The following KDM4C variants were observed in gnomAD, a reference collection of about 807,000 sequenced individuals.
KDM4C encodes the protein lysine-specific demethylase 4C.
In KDM4C, 81 loss-of-function variants were observed where a neutral mutation model predicts 129.3. The observed-to-expected ratio is 0.63, with a 90% CI of 0.52 to 0.75. KDM4C has a LOEUF of 0.75. Among genes scored for constraint, KDM4C ranks in the 30% least tolerant of loss-of-function variants. The pLI, the probability that KDM4C is intolerant of heterozygous loss-of-function variation, is 0.00. For missense variants in KDM4C, 1,457 were observed against 1,304.0 expected (o/e 1.12, Z -1.81); for synonymous variants, 573 against 456.1 (o/e 1.26, Z -3.26).
intron 8 of KDM4C, among the ~76,000 whole-genome samples, chr9:6,958,687 A>ATTTTTTTTTTTTTTTTTT (rs377187050): frequency 5.9e-5 from 8 of 136,358 alleles, no homozygotes; most frequent in African/African-American, 8.7e-5. Context: ...TCTTTATATG[A>ATTTTTTTTTTTTTTTTTT]TTTTTTTTTT....
chr9:6,786,874 A>T (rs1825608206), intron 1 of KDM4C, among the ~76,000 whole-genome samples: 1 of 152,212 alleles, frequency 6.6e-6, no homozygotes, highest in East Asian at 1.9e-4. Flanking sequence ...CTAAGAATCA[A>T]ATAAATGAAA....
intron 17 of KDM4C, among the ~76,000 whole-genome samples, chr9:7,083,886 G>A (rs757265611): frequency 6.6e-6 from 1 of 152,108 alleles, no homozygotes; most frequent in South Asian, 2.1e-4. Context: ...ATTCCTCAAC[G>A]GGGATTTTTC....
intron 8 of KDM4C, among the ~76,000 whole-genome samples, chr9:6,976,893 T>A (rs1162560206): frequency 6.6e-6 from 1 of 152,128 alleles, no homozygotes; most frequent in Non-Finnish European, 1.5e-5. Flanking sequence ...GTATTTTAGA[T>A]CTAAAGGATA....
In KDM4C at chr9:7,044,959, T is replaced by C. The variant is rs545127145; in HGVS notation, c.2260-1903T>C. ...CAGGGAGAAAATCTTTCAGGAAGGA[T>C]CAACAGTGTTGTATGGTGCTAAGAG... On this transcript the variant is annotated intron_variant, in intron 15 of 21. Coordinates refer to ENST00000381309, the MANE Select transcript of KDM4C (RefSeq NM_015061.6). 4.6e-5 allele frequency among the ~76,000 whole-genome samples: 7 copies of C among 152,044 alleles called. No homozygotes were observed. The East Asian group carries it at 1.4e-3, about 30-fold the overall frequency.
chr9:6,828,209 G>A (rs1243584138), intron 4 of KDM4C, among the ~76,000 whole-genome samples: 2 of 151,910 alleles, frequency 1.3e-5, no homozygotes, highest in Non-Finnish European at 2.9e-5. Flanking sequence ...GTGCAGTGGC[G>A]TGATCTCAGC....
chr9:6,969,572 G>A (rs1018587), intron 8 of KDM4C, among the ~76,000 whole-genome samples: 69,574 of 151,958 alleles, frequency 0.46, 17,968 homozygotes, highest in East Asian at 0.86. Context: ...TTTTACATCC[G>A]TGCCTGGATC....
At position 6,903,430 on chromosome 9, in the gene KDM4C, G is replaced by A. The variant is rs142425689; in HGVS notation, c.921+10198G>A. On this transcript the variant is annotated intron_variant, in intron 8 of 21. Transcript: ENST00000381309. ...CCAGGAGAATGTAGTTGGTAGAGTGGGCACTGTGTTCTCTTGGCAGGAATA... is the reference window on the plus strand; with the variant it reads ...CCAGGAGAATGTAGTTGGTAGAGTGAGCACTGTGTTCTCTTGGCAGGAATA... 2.9e-3 allele frequency among the ~76,000 whole-genome samples: 440 copies of A among 152,208 alleles called. 3 individuals are homozygous for A. Among genetic ancestry groups the A allele is most frequent in the Non-Finnish European group, 4.9e-3 (330 of 68,004 alleles).
intron 19 of KDM4C, among the ~76,000 whole-genome samples, chr9:7,159,404 T>C (rs1447488417): frequency 4.6e-5 from 7 of 152,232 alleles, no homozygotes; most frequent in Non-Finnish European, 1.0e-4. Flanking sequence ...TGCCTGTTAG[T>C]TGATGCAGTT....
At chr9:6,759,146 G>C (rs530842653) in intron 1 of KDM4C, among the ~76,000 whole-genome samples, 1 of 152,260 alleles carries the variant, frequency 6.6e-6, no homozygotes, top group Non-Finnish European at 1.5e-5. Flanking sequence ...GATTTATAAA[G>C]CACTGTTCGG....
chr9:6,936,144 A>G (rs1203206016), intron 8 of KDM4C, among the ~76,000 whole-genome samples: 1 of 152,204 alleles, frequency 6.6e-6, no homozygotes, highest in Non-Finnish European at 1.5e-5. Flanking sequence ...AATCCTAGAG[A>G]GAAGGGAAAA....
At position 7,011,866 on chromosome 9, in the gene KDM4C, T is replaced by G; in HGVS notation, c.1955T>G (p.Met652Arg). The G allele has an allele frequency of 6.2e-7, 1 of 1,613,584 alleles. No homozygotes were observed. The change falls in exon 13 of 22, where the codon ATG becomes AGG. Residue 652 changes from methionine (M) to arginine (R), a missense_variant. Physicochemically the swap from Met to Arg is moderately conservative, Grantham distance 91. Coordinates refer to ENST00000381309, the MANE Select transcript of KDM4C (RefSeq NM_015061.6). ...CACTGTGCCATCTGCACTCTGCTCA[T>G]GCCGTACCACAAGGTAAAGGAGCCT... ...KPHCAICTLL[M>R]PYHKPDSSNE...
chr9:7,040,383 G>GTC (rs1564026776), intron 15 of KDM4C, among the ~76,000 whole-genome samples: 2 of 138,474 alleles, frequency 1.4e-5, no homozygotes, highest in African/African-American at 2.8e-5. Flanking sequence ...GTGTGTGTGT[G>GTC]TGTGTGTGTG....
At chr9:6,875,741 G>C (rs1188743514) in intron 5 of KDM4C, among the ~76,000 whole-genome samples, 1 of 152,194 alleles carries the variant, frequency 6.6e-6, no homozygotes, top group African/African-American at 2.4e-5. Flanking sequence ...GCTTCATTCT[G>C]ATAGGTCTTA....
chr9:6,948,967 C>T (rs1363133200), intron 8 of KDM4C, among the ~76,000 whole-genome samples: 3 of 150,602 alleles, frequency 2.0e-5, no homozygotes, highest in Non-Finnish European at 4.4e-5. Flanking sequence ...CCGCCATCGT[C>T]ATCATGGCCC....
intron 1 of KDM4C, among the ~76,000 whole-genome samples, chr9:6,765,515 G>GTA (rs779191247): frequency 1.3e-5 from 2 of 152,132 alleles, no homozygotes; most frequent in Non-Finnish European, 2.9e-5. Flanking sequence ...TTTCTACACT[G>GTA]TAAAGATTCT....
At chr9:7,154,002 C>A (rs1012383848) in intron 19 of KDM4C, among the ~76,000 whole-genome samples, 1 of 152,180 alleles carries the variant, frequency 6.6e-6, no homozygotes, top group African/African-American at 2.4e-5. Flanking sequence ...CTCTGCATCT[C>A]TGATCACAGG....
rs1237201122 is a variant in KDM4C at position 7,174,702 on chromosome 9, C to G, written c.3144C>G (p.Phe1048Leu). 1 of 1,614,048 alleles carries G rather than the reference C, an allele frequency of 6.2e-7. No homozygotes were observed. Among genetic ancestry groups the G allele is most frequent in the Non-Finnish European group, 8.5e-7 (1 of 1,179,986 alleles). ...ACCGCACTTTTTTGAAGAGCTCTTT[C>G]CAGAAGAAGTGCCAGAAGAGACAGT... ...PVYRTFLKSS[F>L]QKKCQKRQ Residue 1048 changes from phenylalanine to leucine, a missense_variant, in exon 22 of 22, where the codon TTC (phenylalanine) becomes TTG (leucine). Physicochemically the swap from Phe to Leu is conservative, Grantham distance 22 (BLOSUM62 0). Transcript: ENST00000381309.
At position 6,814,316 on chromosome 9, in the gene KDM4C, G is replaced by C. The variant is rs1831686382; in HGVS notation, c.321-315G>C. Among the ~76,000 whole-genome samples the C allele has an allele frequency of 2.6e-5, 4 of 152,090 alleles. No individual in the cohort carries two copies. In the South Asian group the frequency reaches 8.3e-4, roughly 32 times the overall value. On this transcript the variant is annotated intron_variant, in intron 3 of 21. Transcript: ENST00000381309. The stretch of plus-strand genomic sequence containing the variant: ...TAAATATGTAAAATTTCTTAGCATA[G>C]TATAGTTGATTAAAGATTTTAAAAA...
intron 19 of KDM4C, among the ~76,000 whole-genome samples, chr9:7,132,829 G>T (rs1020032784): frequency 3.3e-5 from 5 of 152,122 alleles, no homozygotes; most frequent in Non-Finnish European, 4.4e-5. Context: ...ATGGTACGGT[G>T]GACACTTGAG....
Sources: allele counts gnomAD v4.1 joint callset (sites outside exome capture counted in the v4.1 genomes callset), GRCh38; gene constraint gnomAD v4.1.1; transcripts MANE v1.5; gene names NCBI Gene and HGNC (gene_info 2026-07-23, HGNC 2026-07-21).